IL1RAPL1: variants seen among roughly 807,000 people sequenced by gnomAD.
IL1RAPL1 encodes the protein interleukin-1 receptor accessory protein-like 1.
In IL1RAPL1, 3 loss-of-function variants were observed where a neutral mutation model predicts 48.4. That is an observed-to-expected ratio of 0.06 (90% CI 0.03 to 0.16). The LOEUF (loss-of-function observed/expected upper bound fraction) is 0.16. Among genes scored for constraint, IL1RAPL1 ranks in the 10% least tolerant of loss-of-function variants. The pLI, the probability that IL1RAPL1 is intolerant of heterozygous loss-of-function variation, is 1.00. For missense variants in IL1RAPL1, 349 were observed against 530.6 expected, an observed-to-expected ratio of 0.66 and a Z score of 3.36; for synonymous variants, 185 against 187.7, an observed-to-expected ratio of 0.99 and a Z score of 0.12.
chrX:29,115,187 A>T (rs190901768), intron 2 of IL1RAPL1, among the ~76,000 whole-genome samples: 1,473 of 112,014 alleles, frequency 0.013, 27 homozygotes, highest in African/African-American at 0.043. Context: ...TCAATTTTTT[A>T]AAATTCTGAG....
chrX:29,505,430 C>A (rs888731526), intron 5 of IL1RAPL1, among the ~76,000 whole-genome samples: 1 of 111,060 alleles, frequency 9.0e-6, no homozygotes. Context: ...TTAAACAGAT[C>A]GGGTCATGGT....
chrX:29,044,337 G>A (rs1926909248), intron 2 of IL1RAPL1, among the ~76,000 whole-genome samples: 1 of 110,751 alleles, frequency 9.0e-6, no homozygotes, highest in African/African-American at 3.3e-5. Flanking sequence ...GGCTCAGGCA[G>A]GAGAATCACT....
chrX:29,002,101 C>A (rs778960055), intron 2 of IL1RAPL1, among the ~76,000 whole-genome samples: 1 of 108,874 alleles, frequency 9.2e-6, no homozygotes, highest in Admixed American at 9.9e-5. Context: ...GGGGTTTCAC[C>A]ATGTTGGCCA....
intron 5 of IL1RAPL1, among the ~76,000 whole-genome samples, chrX:29,650,659 A>G (rs1925488739): frequency 9.0e-6 from 1 of 111,220 alleles, no homozygotes; most frequent in Admixed American, 9.6e-5. Flanking sequence ...AAGACCCACA[A>G]GTGTAAAACT....
chrX:29,121,994 G>A (rs1302145140), intron 2 of IL1RAPL1, among the ~76,000 whole-genome samples: 4 of 111,459 alleles, frequency 3.6e-5, no homozygotes, highest in African/African-American at 1.3e-4. Flanking sequence ...AGATGGAGGG[G>A]TTGGTCACCA....
intron 5 of IL1RAPL1, among the ~76,000 whole-genome samples, chrX:29,482,207 T>A (rs1248398093): frequency 1.8e-5 from 2 of 111,767 alleles, no homozygotes; most frequent in Admixed American, 9.5e-5. Flanking sequence ...TATGTAAATA[T>A]GTCTGATTAT....
chrX:28,617,716 G>T (rs1601836327), intron 1 of IL1RAPL1, among the ~76,000 whole-genome samples: 1 of 112,191 alleles, frequency 8.9e-6, no homozygotes, highest in East Asian at 2.8e-4. Flanking sequence ...GCCTTTCCTT[G>T]GCTTTGTTTA....
At chrX:29,889,967 C>CAT (rs761745138) in intron 6 of IL1RAPL1, among the ~76,000 whole-genome samples, 4 of 109,915 alleles carry the variant, frequency 3.6e-5, no homozygotes, top group Admixed American at 9.8e-5. Flanking sequence ...ACATTTATAT[C>CAT]ATATATATAT....
At chrX:29,552,450 A>G (rs1921847513) in intron 5 of IL1RAPL1, among the ~76,000 whole-genome samples, 1 of 111,156 alleles carries the variant, frequency 9.0e-6, no homozygotes, top group South Asian at 3.8e-4. Flanking sequence ...AAATGGGACA[A>G]CTATATCGTT....
At chrX:29,089,763 T>TGCAC (rs1928042647) in intron 2 of IL1RAPL1, among the ~76,000 whole-genome samples, 1 of 75,707 alleles carries the variant, frequency 1.3e-5, no homozygotes, top group Non-Finnish European at 2.5e-5. Flanking sequence ...TATATATATA[T>TGCAC]ATATATATAT....
intron 5 of IL1RAPL1, among the ~76,000 whole-genome samples, chrX:29,413,234 C>T (rs1259038714): frequency 1.8e-5 from 2 of 112,309 alleles, no homozygotes; most frequent in South Asian, 3.7e-4. Flanking sequence ...CCATGTGGAA[C>T]TGTGAGTCCA....
chrX:28,999,055 G>A lies in IL1RAPL1; in HGVS notation c.82+209630G>A, dbSNP rs777439518. Among the ~76,000 whole-genome samples, 6 of 111,546 alleles carry A rather than the reference G, an allele frequency of 5.4e-5. No homozygotes were observed. The South Asian group carries it at 1.5e-3, about 28-fold the overall frequency. On this transcript the variant is annotated intron_variant, in intron 2 of 10. Transcript: ENST00000378993. ...ATAATGAACTTGACTTTTCAGCCACGTAGAAGGAAACAGGCTGTTAGAGCT... is the reference window on the plus strand; with the variant it reads ...ATAATGAACTTGACTTTTCAGCCACATAGAAGGAAACAGGCTGTTAGAGCT...
At chrX:28,998,007 C>G (rs1370679227) in intron 2 of IL1RAPL1, among the ~76,000 whole-genome samples, 1 of 112,028 alleles carries the variant, frequency 8.9e-6, no homozygotes, top group Non-Finnish European at 1.9e-5. Flanking sequence ...ATCCCCTTTT[C>G]CCTCAGTGCA....
chrX:29,433,580 C>G (rs1934446226), intron 5 of IL1RAPL1, among the ~76,000 whole-genome samples: 1 of 111,104 alleles, frequency 9.0e-6, no homozygotes, highest in South Asian at 3.7e-4. Context: ...TCCAAACTAT[C>G]TTCCCAAAAG....
chrX:29,197,556 G>T (rs904129476), intron 2 of IL1RAPL1, among the ~76,000 whole-genome samples: 1 of 111,566 alleles, frequency 9.0e-6, no homozygotes, highest in Non-Finnish European at 1.9e-5. Flanking sequence ...TAGAAAGGTT[G>T]CTGATTTTTT....
At chrX:29,197,414 A>G (rs1228641738) in intron 2 of IL1RAPL1, among the ~76,000 whole-genome samples, 4 of 111,562 alleles carry the variant, frequency 3.6e-5, no homozygotes, top group Non-Finnish European at 7.5e-5. Context: ...CTCTAAACCC[A>G]ATTGACAGCC....
intron 6 of IL1RAPL1, among the ~76,000 whole-genome samples, chrX:29,722,988 T>A (rs1157297745): frequency 8.9e-6 from 1 of 112,273 alleles, no homozygotes; most frequent in African/African-American, 3.2e-5. Context: ...TTTATAATTT[T>A]GTTACTGTTG....
chrX:29,571,063 A>C (rs1186581022), intron 5 of IL1RAPL1, among the ~76,000 whole-genome samples: 1 of 110,944 alleles, frequency 9.0e-6, no homozygotes, highest in Non-Finnish European at 1.9e-5. Context: ...CTACCAAAAA[A>C]TACAAAAAAT....
chrX:29,149,301 CAA>C (rs1465502509), intron 2 of IL1RAPL1, among the ~76,000 whole-genome samples: 2 of 110,725 alleles, frequency 1.8e-5, no homozygotes, highest in African/African-American at 6.6e-5. Context: ...AATGCCCTCT[CAA>C]AGATCCGTAT....
Sources: allele counts gnomAD v4.1 joint callset (sites outside exome capture counted in the v4.1 genomes callset), GRCh38; gene constraint gnomAD v4.1.1; transcripts MANE v1.5; gene names NCBI Gene and HGNC (gene_info 2026-07-23, HGNC 2026-07-21).